The following BICC1 variants were observed in gnomAD, a reference collection of about 807,000 sequenced individuals.
BICC1 encodes the protein BicC family RNA binding protein 1.
A neutral mutation model predicts 111.0 loss-of-function variants in BICC1; 43 were observed. The observed-to-expected ratio is 0.39, with a 90% CI of 0.30 to 0.50. The LOEUF is 0.50. Ranked by LOEUF, BICC1 falls within the 20% of genes least tolerant of loss-of-function variation. The pLI, the probability that BICC1 is intolerant of heterozygous loss-of-function variation, is 0.88. For missense variants in BICC1, 1,091 were observed against 1,203.2 expected (o/e 0.91, Z 1.38); for synonymous variants, 467 against 434.4 (o/e 1.07, Z -0.93).
intron 1 of BICC1, among the ~76,000 whole-genome samples, chr10:58,550,689 A>G (rs1843272936): frequency 6.6e-6 from 1 of 152,124 alleles, no homozygotes; most frequent in Non-Finnish European, 1.5e-5. Flanking sequence ...ATTTGTTGAA[A>G]AGACTATGCT....
chr10:58,512,832 C>A (rs926283635), upstream of BICC1, among the ~76,000 whole-genome samples: 2 of 149,448 alleles, frequency 1.3e-5, no homozygotes, highest in African/African-American at 4.9e-5. Flanking sequence ...GAGGGGGCGC[C>A]GAGCCCTGCG....
chr10:58,683,428 G>T (rs980959764), intron 2 of BICC1, among the ~76,000 whole-genome samples: 3 of 152,288 alleles, frequency 2.0e-5, no homozygotes, highest in East Asian at 1.9e-4. Context: ...AAAGTCATTG[G>T]TAGCTTGATG....
intron 2 of BICC1, among the ~76,000 whole-genome samples, chr10:58,639,719 ATTTTTT>A (rs71033694): frequency 0.027 from 2,511 of 93,176 alleles, 94 homozygotes; most frequent in African/African-American, 0.1. Flanking sequence ...GCCCGGCCAA[ATTTTTT>A]TTTTTTTTTT....
At chr10:58,673,493 A>G (rs961450078) in intron 2 of BICC1, among the ~76,000 whole-genome samples, 1 of 152,240 alleles carries the variant, frequency 6.6e-6, no homozygotes, top group Non-Finnish European at 1.5e-5. Context: ...GCTGGACTAT[A>G]AAGCTGTCTG....
At chr10:58,607,179 G>A (rs1845247952) in intron 1 of BICC1, among the ~76,000 whole-genome samples, 1 of 152,010 alleles carries the variant, frequency 6.6e-6, no homozygotes, top group African/African-American at 2.4e-5. Context: ...AGCCGAGTGT[G>A]GTGGTGCATG....
intron 2 of BICC1, among the ~76,000 whole-genome samples, chr10:58,672,631 T>C (rs1839217666): frequency 6.6e-6 from 1 of 152,180 alleles, no homozygotes; most frequent in African/African-American, 2.4e-5. Flanking sequence ...TGTTTCCCTG[T>C]ATGTACTATA....
chr10:58,615,600 C>T (rs1305502922), intron 1 of BICC1, among the ~76,000 whole-genome samples: 2 of 152,146 alleles, frequency 1.3e-5, no homozygotes, highest in East Asian at 1.9e-4. Flanking sequence ...AAACCCCCTA[C>T]GATTCCTTGA....
At chr10:58,574,000 C>G (rs1213855941) in intron 1 of BICC1, among the ~76,000 whole-genome samples, 2 of 152,088 alleles carry the variant, frequency 1.3e-5, no homozygotes, top group Non-Finnish European at 2.9e-5. Flanking sequence ...ACTAACAAAG[C>G]CTCCGTTGTT....
At chr10:58,648,357 A>G (rs1838333818) in intron 2 of BICC1, among the ~76,000 whole-genome samples, 1 of 152,152 alleles carries the variant, frequency 6.6e-6, no homozygotes, top group African/African-American at 2.4e-5. Flanking sequence ...CTGATCCTTC[A>G]GTGTTTTTTG....
chr10:58,703,578 G>A (rs1840303310), intron 3 of BICC1, among the ~76,000 whole-genome samples: 1 of 152,160 alleles, frequency 6.6e-6, no homozygotes. Context: ...GTATAAGCCT[G>A]TATTTCTCAA....
At chr10:58,529,614 C>G (rs1658480) in intron 1 of BICC1, among the ~76,000 whole-genome samples, 69,756 of 151,538 alleles carry the variant, frequency 0.46, 17,093 homozygotes, top group Admixed American at 0.62. Flanking sequence ...TGGCTTGAGT[C>G]TTGCAGGAGG....
At chr10:58,544,587 TAGAA>T (rs1564480498) in intron 1 of BICC1, among the ~76,000 whole-genome samples, 1 of 151,998 alleles carries the variant, frequency 6.6e-6, no homozygotes, top group African/African-American at 2.4e-5. Context: ...AGGAAAGAAA[TAGAA>T]AAAAGTTTTA....
chr10:58,618,485 G>A lies in BICC1; in HGVS notation c.191-2370G>A, dbSNP rs546825762. Among the ~76,000 whole-genome samples the A allele has an allele frequency of 4.6e-4, 70 of 152,256 alleles. 1 individual carries two copies. The highest frequency in any genetic ancestry group is 4.3e-3 in the Admixed American group (66 of 15,300). On this transcript the variant is annotated intron_variant, in intron 1 of 20. Coordinates refer to ENST00000373886, the MANE Select transcript of BICC1 (RefSeq NM_001080512.3). ...ATATGGCTTGCGCCTGGGTTGGCTCGCGCCCAGGTTTGCACCCACAGTTCA... is the reference window on the plus strand; with the variant it reads ...ATATGGCTTGCGCCTGGGTTGGCTCACGCCCAGGTTTGCACCCACAGTTCA...
intron 1 of BICC1, among the ~76,000 whole-genome samples, chr10:58,583,248 A>G (rs1844330160): frequency 6.6e-6 from 1 of 152,110 alleles, no homozygotes; most frequent in Non-Finnish European, 1.5e-5. Flanking sequence ...TTATTTCAAT[A>G]GGTTTTTGGG....
chr10:58,726,081 G>A (rs1278690213), intron 3 of BICC1, among the ~76,000 whole-genome samples: 2 of 152,108 alleles, frequency 1.3e-5, no homozygotes, highest in Non-Finnish European at 2.9e-5. Flanking sequence ...TATTGCTTTT[G>A]CAATGTAATT....
At chr10:58,639,499 A>G (rs567926502) in intron 2 of BICC1, among the ~76,000 whole-genome samples, 20 of 149,246 alleles carry the variant, frequency 1.3e-4, no homozygotes, top group African/African-American at 4.9e-4. Context: ...GGTTCAAGCA[A>G]TTCTCCTGCC....
At position 58,647,144 on chromosome 10, in the gene BICC1, GT is replaced by G. The variant is rs1471313664; in HGVS notation, c.237+26250del. On this transcript the variant is annotated intron_variant, in intron 2 of 20. Coordinates refer to ENST00000373886, the MANE Select transcript of BICC1 (RefSeq NM_001080512.3). Reference sequence around the variant, plus strand: ...TACTCTGTAAACTAGTCTGTATTCTGTTTTTTTCTAACCATCAACTTTTCTT... The same window carrying G: ...TACTCTGTAAACTAGTCTGTATTCTGTTTTTTCTAACCATCAACTTTTCTT... 2.0e-5 allele frequency among the ~76,000 whole-genome samples: 3 copies of G among 152,020 alleles called. No homozygotes were observed. The East Asian group carries it at 5.8e-4, about 29-fold the overall frequency.
chr10:58,517,375 C>T (rs947642855), intron 1 of BICC1, among the ~76,000 whole-genome samples: 1 of 152,154 alleles, frequency 6.6e-6, no homozygotes, highest in African/African-American at 2.4e-5. Context: ...TGTTGTACAT[C>T]ATTGATTAAC....
intron 2 of BICC1, among the ~76,000 whole-genome samples, chr10:58,623,473 C>T (rs561972685): frequency 1.3e-5 from 2 of 152,194 alleles, no homozygotes; most frequent in Admixed American, 1.3e-4. Flanking sequence ...TGATATATTT[C>T]CCAAACACAA....
Sources: gnomAD v4.1 joint callset for allele counts (sites outside exome capture counted in the v4.1 genomes callset) on GRCh38, gnomAD v4.1.1 for gene constraint, MANE v1.5 for transcripts, NCBI Gene and HGNC (gene_info 2026-07-23, HGNC 2026-07-21) for gene names.